DDHD1: variants seen among roughly 807,000 people sequenced by gnomAD.
DDHD1 encodes the protein DDHD domain containing 1.
Under a neutral mutation model 96.4 loss-of-function variants are expected in DDHD1, and 49 were observed. The observed-to-expected ratio is 0.51, with a 90% CI of 0.40 to 0.64. The LOEUF is 0.64. DDHD1 is among the 30% of genes least tolerant of loss of function. The pLI, the probability that DDHD1 is intolerant of heterozygous loss-of-function variation, is 0.00. For synonymous variants in DDHD1, 442 were observed against 446.5 expected, an observed-to-expected ratio of 0.99 and a Z score of 0.13; for missense variants, 1,106 against 1,161.2, an observed-to-expected ratio of 0.95 and a Z score of 0.69.
rs1881743291 is a variant in DDHD1 at position 53,042,765 on chromosome 14, TAC to T, written c.*4001_*4002del. ...AAGGGATAGAAAACTTTAGAATAGCTACAGAGGTCAACTAACCCAAACATAGT... is the reference window on the plus strand; with the variant it reads ...AAGGGATAGAAAACTTTAGAATAGCTAGAGGTCAACTAACCCAAACATAGT... On this transcript the variant is annotated 3_prime_UTR_variant, in exon 13 of 13. Coordinates refer to ENST00000673822, the MANE Select transcript of DDHD1 (RefSeq NM_001160148.2). 6.6e-6 allele frequency: 1 copy of T among 152,208 alleles called. No homozygotes were observed. Among genetic ancestry groups the T allele is most frequent in the Admixed American group, 6.5e-5 (1 of 15,282 alleles). The allele number at this position is 152,208 out of a possible 1,614,324, so 9.4% of individuals were successfully genotyped here. A position where few individuals can be genotyped will look rare whatever the true frequency, so the allele number is the denominator to read the frequency against.
intron 4 of DDHD1, among the ~76,000 whole-genome samples, chr14:53,082,192 C>T (rs1166089592): frequency 1.3e-5 from 2 of 152,094 alleles, no homozygotes; most frequent in African/African-American, 4.8e-5. Context: ...ATTTCAATTT[C>T]CATGTTCTCT....
At chr14:53,079,249 A>G (rs534870996) in intron 4 of DDHD1, among the ~76,000 whole-genome samples, 21 of 151,540 alleles carry the variant, frequency 1.4e-4, no homozygotes, top group Admixed American at 2.6e-4. Flanking sequence ...TTCCTCTTCC[A>G]TTTTTTAGAG....
chr14:53,151,691 A>G (rs942064940), intron 1 of DDHD1, among the ~76,000 whole-genome samples: 1 of 152,252 alleles, frequency 6.6e-6, no homozygotes, highest in Non-Finnish European at 1.5e-5. Context: ...CCAGTATTCC[A>G]CCGAGGGAGC....
intron 1 of DDHD1, among the ~76,000 whole-genome samples, chr14:53,137,329 C>T (rs1890308383): frequency 1.3e-5 from 2 of 152,172 alleles, no homozygotes; most frequent in Admixed American, 6.5e-5. Flanking sequence ...CGGTGGCTCA[C>T]GCCTGAAATC....
At chr14:53,050,077 T>C (rs1322220401) in intron 12 of DDHD1, among the ~76,000 whole-genome samples, 1 of 152,094 alleles carries the variant, frequency 6.6e-6, no homozygotes, top group Non-Finnish European at 1.5e-5. Flanking sequence ...TAGAATGTGA[T>C]GAACCACAAA....
rs1461336798 is a variant in DDHD1 at position 53,042,332 on chromosome 14, G to T, written c.*4436C>A. 1 of 152,116 alleles carries T rather than the reference G, an allele frequency of 6.6e-6. No homozygotes were observed. Among genetic ancestry groups the T allele is most frequent in the Non-Finnish European group, 1.5e-5 (1 of 68,020 alleles). The allele number at this position is 152,116 out of a possible 1,614,324, so 9.4% of individuals were successfully genotyped here. On this transcript the variant is annotated 3_prime_UTR_variant, in exon 13 of 13. Coordinates refer to ENST00000673822, the MANE Select transcript of DDHD1 (RefSeq NM_001160148.2). ...TATTTGCAGAATATTATTGAGAAAA[G>T]AATGGTCTCTATGCCCCTTCCAGCT...
chr14:53,140,686 C>G (rs1427748752), intron 1 of DDHD1, among the ~76,000 whole-genome samples: 4 of 152,040 alleles, frequency 2.6e-5, no homozygotes, highest in Non-Finnish European at 4.4e-5. Flanking sequence ...GAATGAAGAA[C>G]AAAGGGGACA....
chr14:53,095,917 G>A (rs1886848096), intron 2 of DDHD1, among the ~76,000 whole-genome samples: 1 of 152,058 alleles, frequency 6.6e-6, no homozygotes. Flanking sequence ...CCATTTTAAT[G>A]TTGGGGAACA....
intron 4 of DDHD1, among the ~76,000 whole-genome samples, chr14:53,074,386 C>T (rs1044496526): frequency 1.3e-5 from 2 of 151,766 alleles, no homozygotes; most frequent in South Asian, 2.1e-4. Context: ...CCATTCAGAA[C>T]ATGCTATTCT....
intron 1 of DDHD1, among the ~76,000 whole-genome samples, chr14:53,128,664 T>G (rs1889639071): frequency 6.6e-6 from 1 of 152,164 alleles, no homozygotes; most frequent in African/African-American, 2.4e-5. Context: ...CCATATGTAT[T>G]ATGTCAGCAA....
rs113463836 is a variant in DDHD1, at chr14:53,046,611, CTTTT to C, written c.*153_*156del. 1.2e-5 allele frequency: 5 copies of C among 417,184 alleles called. No individual in the cohort carries two copies. Among genetic ancestry groups the C allele is most frequent in the Non-Finnish European group, 2.0e-5 (5 of 253,194 alleles). 25.8% of individuals were successfully genotyped at this position (417,184 alleles called of 1,614,324 possible). On this transcript the variant is annotated 3_prime_UTR_variant, in exon 13 of 13. Transcript: ENST00000673822. Reference sequence around the variant, plus strand: ...ATGACTTCTTCAGAACTGAAAACTTCTTTTTTTTTTAAATAAAGTGCTTTTAAAT... The same window carrying C: ...ATGACTTCTTCAGAACTGAAAACTTCTTTTTTAAATAAAGTGCTTTTAAAT...
chr14:53,054,527 T>G lies in DDHD1; in HGVS notation c.2348A>C (p.Asp783Ala). The G allele has an allele frequency of 6.2e-7, 1 of 1,614,148 alleles. No individual in the cohort carries two copies. The highest frequency in any genetic ancestry group is 1.1e-5 in the South Asian group (1 of 91,080). Residue 783 changes from aspartate (D) to alanine (A), a missense_variant, in exon 11 of 13, where the codon GAT (aspartate) becomes GCT (alanine). Around this residue, in one of 2 missense-constraint regions of DDHD1, gnomAD observed 650 missense variants for 758.8 expected, o/e 0.86. Transcript: ENST00000673822. ...SSETSKDSMEDEKKPVASPSA... is the reference protein window; with the variant it reads ...SSETSKDSMEAEKKPVASPSA... Reference sequence around the variant, plus strand: ...AGGTGAGGCAACTGGCTTCTTCTCATCTTCCATTGAGTCTTTTGATGTTTC... The same window carrying G: ...AGGTGAGGCAACTGGCTTCTTCTCAGCTTCCATTGAGTCTTTTGATGTTTC...
intron 2 of DDHD1, among the ~76,000 whole-genome samples, chr14:53,094,752 G>A (rs370297646): frequency 6.6e-5 from 10 of 151,866 alleles, no homozygotes; most frequent in African/African-American, 2.2e-4. Context: ...GCTGAGGCAG[G>A]AGGATCGCTT....
At chr14:53,060,906 C>T (rs1883492504) in intron 8 of DDHD1, among the ~76,000 whole-genome samples, 1 of 152,140 alleles carries the variant, frequency 6.6e-6, no homozygotes, top group African/African-American at 2.4e-5. Flanking sequence ...ATAATAGCAT[C>T]AATAATACTG....
At chr14:53,079,636 T>C (rs541633323) in intron 4 of DDHD1, among the ~76,000 whole-genome samples, 9 of 152,392 alleles carry the variant, frequency 5.9e-5, no homozygotes, top group African/African-American at 1.9e-4. Context: ...TTCATTTTAG[T>C]AATTTGAATC....
intron 6 of DDHD1, among the ~76,000 whole-genome samples, chr14:53,065,954 TA>T (rs1403024672): frequency 6.6e-6 from 1 of 152,188 alleles, no homozygotes; most frequent in Admixed American, 6.5e-5. Flanking sequence ...AAGACATAAA[TA>T]TACACAGAAT....
chr14:53,080,936 T>C (rs964525078), intron 4 of DDHD1, among the ~76,000 whole-genome samples: 2 of 152,196 alleles, frequency 1.3e-5, no homozygotes, highest in African/African-American at 2.4e-5. Context: ...TTGAAATTTA[T>C]CCTTGTGTGA....
At chr14:53,142,778 C>G (rs1247928140) in intron 1 of DDHD1, among the ~76,000 whole-genome samples, 1 of 152,212 alleles carries the variant, frequency 6.6e-6, no homozygotes, top group Non-Finnish European at 1.5e-5. Flanking sequence ...CAGCACCAAT[C>G]TTTCTGGGGC....
chr14:53,147,973 T>C (rs1891110594), intron 1 of DDHD1, among the ~76,000 whole-genome samples: 1 of 152,206 alleles, frequency 6.6e-6, no homozygotes, highest in Non-Finnish European at 1.5e-5. Context: ...TTGTAAACAT[T>C]ATGTAATTAA....
Sources: gnomAD v4.1 joint callset for allele counts (sites outside exome capture counted in the v4.1 genomes callset) on GRCh38, gnomAD v4.1.1 for gene constraint, gnomAD v4.1.1 regional missense constraint, MANE v1.5 for transcripts, NCBI Gene and HGNC (gene_info 2026-07-23, HGNC 2026-07-21) for gene names.